The following MAP2 variants were observed in gnomAD, a reference collection of about 807,000 sequenced individuals.
MAP2 encodes the protein microtubule associated protein 2.
MAP2 carries 14 observed loss-of-function variants against 137.6 expected under a neutral mutation model. The ratio of observed to expected loss-of-function variants is 0.10; its 90% CI spans 0.07 to 0.16. The LOEUF (loss-of-function observed/expected upper bound fraction) is 0.16, where lower values mean the gene tolerates loss of function less well. MAP2 is among the 10% of genes least tolerant of loss of function. The probability of loss-of-function intolerance (pLI) is 1.00; values close to 1 mark genes in which losing one functional copy is unlikely to be tolerated. For synonymous variants in MAP2, 786 were observed against 782.3 expected (o/e 1.00, Z -0.08); for missense variants, 2,088 against 2,191.5 (o/e 0.95, Z 0.94).
At chr2:209,709,813 A>T in intron 12 of MAP2, 101 bp from the exon 13 acceptor site, 3 of 824,180 alleles carry the variant, frequency 3.6e-6, no homozygotes, top group Admixed American at 2.7e-5. Context: ...AATACCTTAG[A>T]AATTAAACGT....
intron 1 of MAP2, among the ~76,000 whole-genome samples, chr2:209,457,981 C>T (rs974212023): frequency 8.5e-5 from 13 of 152,064 alleles, no homozygotes; most frequent in Non-Finnish European, 1.3e-4. Flanking sequence ...TTGGGACTGC[C>T]AACTTTTTTT....
At chr2:209,463,964 A>G (rs188300962) in intron 1 of MAP2, among the ~76,000 whole-genome samples, 3 of 152,294 alleles carry the variant, frequency 2.0e-5, no homozygotes, top group African/African-American at 7.2e-5. Context: ...TTTGACATAC[A>G]GACATCTCCC....
At chr2:209,593,760 ATATAT>A (rs1456952116) in intron 3 of MAP2, among the ~76,000 whole-genome samples, 1 of 866 alleles carries the variant, frequency 1.2e-3, no homozygotes, top group African/African-American at 3.5e-3. Context: ...ATTATATATA[ATATAT>A]AATATAATAT....
Position 209,608,085 on chromosome 2 carries a change from C to T in MAP2, c.-106-16968C>T, listed in dbSNP as rs186842910. On this transcript the variant is annotated intron_variant, in intron 3 of 15. Transcript: ENST00000682079. ...TTACTTTTTATGTTGAATGACCTCT[C>T]TTTGCCACAGTAATGATGCAGTAGA... Among the ~76,000 whole-genome samples, 43 of 152,260 alleles carry T rather than the reference C, an allele frequency of 2.8e-4. 1 individual carries two copies. The highest frequency in any genetic ancestry group is 1.0e-3 in the African/African-American group (42 of 41,568).
chr2:209,593,632 AAAATATAT>A lies in MAP2; in HGVS notation c.-107+13534_-107+13541del, dbSNP rs1377753316. Among the ~76,000 whole-genome samples, 3 of 61,152 alleles carry A rather than the reference AAAATATAT, an allele frequency of 4.9e-5. 1 individual carries two copies. The highest frequency in any genetic ancestry group is 8.8e-4 in the East Asian group (2 of 2,274). 40.1% of individuals were successfully genotyped at this position (61,152 alleles called of 152,430 possible). On this transcript the variant is annotated intron_variant, in intron 3 of 15. Transcript: ENST00000682079. ...ACCCTGTCTCTACAAAAAAAAAAAA[AAAATATAT>A]ATATATATATATATATATATATATA...
At chr2:209,436,438 TATC>T in intron 1 of MAP2, among the ~76,000 whole-genome samples, 1 of 151,780 alleles carries the variant, frequency 6.6e-6, no homozygotes, top group East Asian at 1.9e-4. Context: ...AAGCAGTTCT[TATC>T]ATGTTCCAAT....
At chr2:209,510,929 C>T (rs2061649542) in intron 2 of MAP2, among the ~76,000 whole-genome samples, 1 of 151,642 alleles carries the variant, frequency 6.6e-6, no homozygotes, top group African/African-American at 2.4e-5. Context: ...GGTTGAGGAC[C>T]CTAAGGAATG....
chr2:209,685,664 G>C (rs1025898182), intron 7 of MAP2, among the ~76,000 whole-genome samples: 2 of 152,154 alleles, frequency 1.3e-5, no homozygotes, highest in African/African-American at 4.8e-5. Context: ...TTTTCCACTA[G>C]ATCTTTCAAA....
intron 4 of MAP2, among the ~76,000 whole-genome samples, chr2:209,631,028 AAAAAAAAGAGAG>A (rs2092976542): frequency 5.1e-5 from 6 of 117,162 alleles, no homozygotes; most frequent in South Asian, 2.7e-4. Flanking sequence ...AAAAAAAAAA[AAAAAAAAGAGAG>A]AGAGAGAGCG....
At chr2:209,688,288 G>C (rs546600303) in intron 7 of MAP2, among the ~76,000 whole-genome samples, 17 of 152,062 alleles carry the variant, frequency 1.1e-4, no homozygotes, top group African/African-American at 4.1e-4. Flanking sequence ...TAATCAGCTG[G>C]GGAAGAACAT....
Position 209,593,633 on chromosome 2 carries a change from AAATATATAT to A in MAP2, c.-107+13535_-107+13543del, listed in dbSNP as rs1342574965. On this transcript the variant is annotated intron_variant, in intron 3 of 15. Transcript: ENST00000682079. The stretch of plus-strand genomic sequence containing the variant: ...CCCTGTCTCTACAAAAAAAAAAAAA[AAATATATAT>A]ATATATATATATATATATATATATA... Among the ~76,000 whole-genome samples, 11 of 61,956 alleles carry A rather than the reference AAATATATAT, an allele frequency of 1.8e-4. 1 individual carries two copies. Among genetic ancestry groups the A allele is most frequent in the African/African-American group, 7.2e-4 (10 of 13,916 alleles). The allele number at this position is 61,956 out of a possible 152,430, so 40.6% of individuals were successfully genotyped here. A position where few individuals can be genotyped will look rare whatever the true frequency, so the allele number is the denominator to read the frequency against.
chr2:209,484,638 C>T (rs1168227880), intron 1 of MAP2, among the ~76,000 whole-genome samples: 2 of 152,044 alleles, frequency 1.3e-5, no homozygotes, highest in Non-Finnish European at 1.5e-5. Flanking sequence ...TGCAGTGAGC[C>T]GAGATTGCAC....
At chr2:209,687,942 C>T (rs1336537587) in intron 7 of MAP2, among the ~76,000 whole-genome samples, 3 of 152,118 alleles carry the variant, frequency 2.0e-5, no homozygotes, top group Non-Finnish European at 4.4e-5. Flanking sequence ...GTGCAGAGGC[C>T]CACTTAGGCC....
chr2:209,449,616 A>G (rs1699884118), intron 1 of MAP2, among the ~76,000 whole-genome samples: 2 of 152,192 alleles, frequency 1.3e-5, no homozygotes, highest in Non-Finnish European at 1.5e-5. Context: ...AAAATAAAGA[A>G]TAATTTCAAA....
intron 7 of MAP2, among the ~76,000 whole-genome samples, chr2:209,684,405 G>A (rs1265384609): frequency 1.3e-5 from 2 of 152,324 alleles, no homozygotes; most frequent in Non-Finnish European, 2.9e-5. Context: ...AGAATGGAAA[G>A]GGCTTGGAAA....
chr2:209,609,094 A>C (rs1408151689), intron 3 of MAP2, among the ~76,000 whole-genome samples: 1 of 152,062 alleles, frequency 6.6e-6, no homozygotes, highest in East Asian at 1.9e-4. Flanking sequence ...TGAAATCAGG[A>C]AGGGTGTTTC....
Position 209,661,780 on chromosome 2 carries a change from T to A in MAP2, c.262+8348T>A, listed in dbSNP as rs976605085. 4 of 698,972 alleles carry A rather than the reference T, an allele frequency of 5.7e-6. No homozygotes were observed. The African/African-American group carries it at 7.8e-5, about 14-fold the overall frequency. 43.3% of individuals were successfully genotyped at this position (698,972 alleles called of 1,614,324 possible). A position where few individuals can be genotyped will look rare whatever the true frequency, so the allele number is the denominator to read the frequency against. On this transcript the variant is annotated intron_variant, in intron 5 of 15. Transcript: ENST00000682079. ...CATAATATTTGGCTTGGCTTGTTGA[T>A]GAATAGGATTTGAACCTAATTTAGG...
intron 4 of MAP2, among the ~76,000 whole-genome samples, chr2:209,642,404 G>A (rs1413596618): frequency 6.7e-6 from 1 of 149,828 alleles, no homozygotes; most frequent in African/African-American, 2.5e-5. Context: ...TCCAGCCTGA[G>A]TGACAGTGTG....
chr2:209,427,475 T>A (rs1054349433), intron 1 of MAP2, among the ~76,000 whole-genome samples: 1 of 152,196 alleles, frequency 6.6e-6, no homozygotes, highest in Non-Finnish European at 1.5e-5. Context: ...ATTACCTTTA[T>A]CTACTCAATC....
Sources: gnomAD v4.1 joint callset for allele counts (sites outside exome capture counted in the v4.1 genomes callset) on GRCh38, gnomAD v4.1.1 for gene constraint, MANE v1.5 for transcripts, NCBI Gene and HGNC (gene_info 2026-07-23, HGNC 2026-07-21) for gene names.